Variants in UGT3A1 observed in about 807,000 individuals in gnomAD.
UGT3A1 encodes the protein UDP glycosyltransferase family 3 member A1, also known as UDP-glycosyltransferase 3A1.
In UGT3A1, 40 loss-of-function variants were observed where a neutral mutation model predicts 37.6. The ratio of observed to expected loss-of-function variants is 1.06; its 90% CI spans 0.83 to 1.38. The LOEUF (loss-of-function observed/expected upper bound fraction) is 1.38. Among genes scored for constraint, UGT3A1 ranks in the 40% most tolerant of loss-of-function variants. The probability of loss-of-function intolerance (pLI) is 0.00; values close to 1 mark genes in which losing one functional copy is unlikely to be tolerated. For synonymous variants in UGT3A1, 256 were observed against 232.3 expected, an observed-to-expected ratio of 1.10 and a Z score of -0.93; for missense variants, 642 against 634.2, an observed-to-expected ratio of 1.01 and a Z score of -0.13.
At chr5:35,960,511 G>C (rs1030049304) in intron 4 of UGT3A1, among the ~76,000 whole-genome samples, 31 of 152,326 alleles carry the variant, frequency 2.0e-4, no homozygotes, top group African/African-American at 6.7e-4. Context: ...CCTTACAGAA[G>C]GGGGAGCATG....
intron 1 of UGT3A1, among the ~76,000 whole-genome samples, chr5:35,990,011 G>C (rs1231528309): frequency 6.6e-6 from 1 of 151,540 alleles, no homozygotes; most frequent in Non-Finnish European, 1.5e-5. Flanking sequence ...AGAATGGCGT[G>C]AACCCGGGAG....
chr5:35,968,171 C>T (rs776043751), intron 2 of UGT3A1, 38 bp from the exon 3 acceptor site: 1 of 1,238,590 alleles, frequency 8.1e-7, no homozygotes, highest in South Asian at 1.3e-5. Flanking sequence ...GTAAATATAT[C>T]ATACAACATG....
intron 2 of UGT3A1, among the ~76,000 whole-genome samples, chr5:35,972,378 T>C (rs1203913069): frequency 2.0e-5 from 3 of 151,714 alleles, no homozygotes; most frequent in African/African-American, 7.3e-5. Flanking sequence ...AAAAAAAAAA[T>C]TCTGCTTCAA....
chr5:35,988,809 A>G (rs1740827272), intron 1 of UGT3A1, among the ~76,000 whole-genome samples: 1 of 152,200 alleles, frequency 6.6e-6, no homozygotes. Context: ...CTTGTGGCTC[A>G]AAGACTCCAT....
chr5:35,954,177 C>G lies in UGT3A1; in HGVS notation c.*25G>C. On this transcript the variant is annotated 3_prime_UTR_variant, in exon 7 of 7. Coordinates refer to ENST00000274278, the MANE Select transcript of UGT3A1 (RefSeq NM_152404.4). ...CCTTCAAAGGACCAGGGATGCCCTC[C>G]CCTCACCCAAGGCTACACCTAGCCT... is the stretch of plus-strand genomic sequence containing the variant. The G allele has an allele frequency of 6.2e-7, 1 of 1,607,314 alleles. No individual in the cohort carries two copies. The highest frequency in any genetic ancestry group is 1.1e-5 in the South Asian group (1 of 89,984).
chr5:35,992,616 A>G (rs1740985851), upstream of UGT3A1, among the ~76,000 whole-genome samples: 1 of 152,242 alleles, frequency 6.6e-6, no homozygotes, highest in South Asian at 2.1e-4. Flanking sequence ...AAGAAATGAA[A>G]TACATAATAT....
chr5:35,974,600 G>A (rs1319559799), intron 2 of UGT3A1, among the ~76,000 whole-genome samples: 2 of 152,168 alleles, frequency 1.3e-5, no homozygotes, highest in Non-Finnish European at 2.9e-5. Flanking sequence ...GAGAATGATA[G>A]ATGTCATAAA....
At chr5:35,968,330 C>T (rs1457117587) in intron 2 of UGT3A1, among the ~76,000 whole-genome samples, 197 bp from the exon 3 acceptor site, 1 of 152,030 alleles carries the variant, frequency 6.6e-6, no homozygotes, top group African/African-American at 2.4e-5. Context: ...TATCATTATC[C>T]AGGCACTTTT....
At chr5:35,967,951 T>C in intron 3 of UGT3A1, 68 bp downstream of exon 3, 3 of 1,207,322 alleles carry the variant, frequency 2.5e-6, no homozygotes, top group Non-Finnish European at 2.4e-6. Flanking sequence ...CCAAATATCA[T>C]GCATCTCTCT....
intron 2 of UGT3A1, among the ~76,000 whole-genome samples, chr5:35,977,272 AG>A (rs1740327057): frequency 1.3e-5 from 2 of 152,246 alleles, no homozygotes; most frequent in Non-Finnish European, 2.9e-5. Flanking sequence ...AACACATTTT[AG>A]TAACGAATAC....
At chr5:35,984,318 C>T (rs1159570956) in intron 2 of UGT3A1, among the ~76,000 whole-genome samples, 1 of 152,010 alleles carries the variant, frequency 6.6e-6, no homozygotes, top group Non-Finnish European at 1.5e-5. Context: ...AGAATTGATG[C>T]TCAGTCTTAT....
chr5:35,972,976 T>A (rs1473818222), intron 2 of UGT3A1, among the ~76,000 whole-genome samples: 16 of 152,034 alleles, frequency 1.1e-4, no homozygotes, highest in Admixed American at 1.0e-3. Context: ...ACGGTGCAAT[T>A]TAATTCTCCA....
chr5:35,965,994 AAAATATTTC>A, intron 3 of UGT3A1, 77 bp from the exon 4 acceptor site: 1 of 1,150,112 alleles, frequency 8.7e-7, no homozygotes, highest in Non-Finnish European at 1.2e-6. Context: ...TAGACTCAAA[AAAATATTTC>A]AGGTATGTTA....
rs536342757 is a variant in UGT3A1, at chr5:35,988,640, G to A, written c.95-89C>T. On this transcript the variant is annotated intron_variant, in intron 1 of 6. Transcript: ENST00000274278. ...GTAGGCAGGAGGGAATGGAAATTCAGCAGAAAAAGCATAGGGAAGAGGAAA... is the reference window on the plus strand; with the variant it reads ...GTAGGCAGGAGGGAATGGAAATTCAACAGAAAAAGCATAGGGAAGAGGAAA... 11 of 970,892 alleles carry A rather than the reference G, an allele frequency of 1.1e-5. No individual in the cohort carries two copies. The African/African-American group carries it at 1.2e-4, about 10-fold the overall frequency. The allele number at this position is 970,892 out of a possible 1,614,324, so 60.1% of individuals were successfully genotyped here. A position where few individuals can be genotyped will look rare whatever the true frequency, so the allele number is the denominator to read the frequency against.
At chr5:35,970,284 C>T (rs1033240422) in intron 2 of UGT3A1, among the ~76,000 whole-genome samples, 3 of 151,706 alleles carry the variant, frequency 2.0e-5, no homozygotes, top group Non-Finnish European at 2.9e-5. Flanking sequence ...CCCAGCTACT[C>T]AGGAGGCTGA....
chr5:35,955,972 G>A (rs996394938), intron 5 of UGT3A1, 108 bp from the exon 6 acceptor site: 2 of 1,124,554 alleles, frequency 1.8e-6, no homozygotes, highest in Non-Finnish European at 2.6e-6. Flanking sequence ...GGTCTGTTGA[G>A]AAAATGAATT....
rs1739236134 is a variant in UGT3A1 at position 35,953,368 on chromosome 5, T to G, written c.*834A>C. The stretch of plus-strand genomic sequence containing the variant: ...TCTGGGGGTGTTTACGCCATGGTTT[T>G]TCTTGCTTCTGTTCCTAGCAGATTA... On this transcript the variant is annotated 3_prime_UTR_variant, in exon 7 of 7. Transcript: ENST00000274278. The G allele has an allele frequency of 2.0e-5, 3 of 152,384 alleles. No homozygotes were observed. In the South Asian group the frequency reaches 6.2e-4, roughly 32 times the overall value. 9.4% of individuals were successfully genotyped at this position (152,384 alleles called of 1,614,324 possible).
intron 1 of UGT3A1, 200 bp downstream of exon 1, chr5:35,990,947 A>G: frequency 6.9e-7 from 1 of 1,456,998 alleles, no homozygotes; most frequent in Non-Finnish European, 9.1e-7. Context: ...GTCTTTTCTC[A>G]AAAACTGTCT....
At chr5:35,994,333 TTGTGTGTGTGTG>T (rs35026618), upstream of UGT3A1, among the ~76,000 whole-genome samples, 1,464 of 138,630 alleles carry the variant, frequency 0.011, 23 homozygotes, top group African/African-American at 0.037. Context: ...TTTGTTTTGT[TTGTGTGTGTGTG>T]TGTGTGTGTG....
Sources: gnomAD v4.1 joint callset for allele counts (sites outside exome capture counted in the v4.1 genomes callset) on GRCh38, gnomAD v4.1.1 for gene constraint, MANE v1.5 for transcripts, NCBI Gene and HGNC (gene_info 2026-07-23, HGNC 2026-07-21) for gene names.